Variants in CNTFR observed in about 807,000 individuals in gnomAD.
CNTFR encodes the protein ciliary neurotrophic factor receptor, also known as ciliary neurotrophic factor receptor subunit alpha.
Under a neutral mutation model 40.4 loss-of-function variants are expected in CNTFR, and 12 were observed. That is an observed-to-expected ratio of 0.30 (90% CI 0.19 to 0.48). The LOEUF (loss-of-function observed/expected upper bound fraction) is 0.48. CNTFR is among the 20% of genes least tolerant of loss of function. The pLI, the probability that CNTFR is intolerant of heterozygous loss-of-function variation, is 0.99. For synonymous variants in CNTFR, 202 were observed against 209.6 expected (o/e 0.96, Z 0.31); for missense variants, 414 against 506.8 (o/e 0.82, Z 1.76).
At chr9:34,585,387 G>A (rs12001648) in intron 1 of CNTFR, among the ~76,000 whole-genome samples, 15,021 of 152,192 alleles carry the variant, frequency 0.099, 1,109 homozygotes, top group African/African-American at 0.2. Flanking sequence ...TTGCTCCTAA[G>A]CCCAAGACGG....
At chr9:34,553,646 G>C (rs1825721720) in intron 7 of CNTFR, among the ~76,000 whole-genome samples, 1 of 152,164 alleles carries the variant, frequency 6.6e-6, no homozygotes, top group African/African-American at 2.4e-5. Flanking sequence ...TGGAGCTGCA[G>C]GGCGCAGGAC....
intron 4 of CNTFR, among the ~76,000 whole-genome samples, chr9:34,564,291 C>T (rs1285108603): frequency 6.6e-6 from 1 of 152,206 alleles, no homozygotes; most frequent in Admixed American, 6.5e-5. Context: ...TCTCTCCCCA[C>T]TCATGTCCCA....
At chr9:34,573,735 C>T (rs1826799788) in intron 2 of CNTFR, among the ~76,000 whole-genome samples, 1 of 152,194 alleles carries the variant, frequency 6.6e-6, no homozygotes, top group African/African-American at 2.4e-5. Flanking sequence ...TCATCTCCTT[C>T]ACCTCTCCCC....
chr9:34,556,436 C>T lies in CNTFR; in HGVS notation c.605-18G>A, dbSNP rs1427516290. On this transcript the variant is annotated intron_variant, in intron 6 of 9. Coordinates refer to ENST00000378980, the MANE Select transcript of CNTFR (RefSeq NM_147164.3). ...AGGCTTCACTGTTCAGGAGACATAGCTTCATTACTACACTAATCACTGGCA... is the reference window on the plus strand; with the variant it reads ...AGGCTTCACTGTTCAGGAGACATAGTTTCATTACTACACTAATCACTGGCA... 1 of 1,586,050 alleles carries T rather than the reference C, an allele frequency of 6.3e-7. No individual in the cohort carries two copies. The highest frequency in any genetic ancestry group is 1.2e-5 in the South Asian group (1 of 86,524).
Position 34,564,629 on chromosome 9 carries a change from G to T in CNTFR, c.289C>A (p.Leu97Met), listed in dbSNP as rs776532201. ...ACATGCAGCAGGACTTGGTGGCGCAGGTGCCAGGAGTCACGGTGGAAGCAG... is the reference window on the plus strand; with the variant it reads ...ACATGCAGCAGGACTTGGTGGCGCATGTGCCAGGAGTCACGGTGGAAGCAG... The part of the protein sequence containing the change: ...YACFHRDSWH[L>M]RHQVLLHVGL... Residue 97 changes from leucine to methionine, a missense_variant, in exon 4 of 10, where the codon CTG (leucine) becomes ATG (methionine). Around this residue, in one of 3 missense-constraint regions of CNTFR, gnomAD observed 250 missense variants for 269.5 expected, o/e 0.93. Transcript: ENST00000378980. 1.9e-6 allele frequency: 3 copies of T among 1,612,522 alleles called. No homozygotes were observed. In the African/African-American group the frequency reaches 4.0e-5, roughly 22 times the overall value.
At chr9:34,575,737 TC>T (rs1216759394) in intron 2 of CNTFR, among the ~76,000 whole-genome samples, 1 of 130,258 alleles carries the variant, frequency 7.7e-6, no homozygotes, top group Non-Finnish European at 1.5e-5. Flanking sequence ...ATGTGATGCA[TC>T]GGCTTATAAC....
intron 1 of CNTFR, among the ~76,000 whole-genome samples, chr9:34,586,410 T>G (rs1390999723): frequency 6.6e-6 from 1 of 152,148 alleles, no homozygotes; most frequent in Non-Finnish European, 1.5e-5. Flanking sequence ...TCCCCACAGA[T>G]CTGAGGCTGT....
At chr9:34,570,734 G>A (rs1316838325) in intron 2 of CNTFR, among the ~76,000 whole-genome samples, 1 of 152,112 alleles carries the variant, frequency 6.6e-6, no homozygotes, top group Non-Finnish European at 1.5e-5. Context: ...TGACAGAGAC[G>A]CAGTGCCAGA....
intron 2 of CNTFR, among the ~76,000 whole-genome samples, chr9:34,577,948 G>A (rs1827073421): frequency 6.6e-6 from 1 of 151,166 alleles, no homozygotes; most frequent in Admixed American, 6.6e-5. Context: ...TGGCGGGCGG[G>A]CGAGCGCGGG....
intron 3 of CNTFR, among the ~76,000 whole-genome samples, chr9:34,565,945 T>C (rs1422998006): frequency 2.0e-5 from 3 of 150,044 alleles, no homozygotes; most frequent in Admixed American, 1.3e-4. Flanking sequence ...AGGGCAGCAG[T>C]TGGGGTGGGG....
chr9:34,578,251 A>G (rs1274123520), intron 2 of CNTFR, among the ~76,000 whole-genome samples: 1 of 152,086 alleles, frequency 6.6e-6, no homozygotes, highest in Non-Finnish European at 1.5e-5. Context: ...GGAGGGGAGG[A>G]AGGAGCGCGC....
intron 3 of CNTFR, among the ~76,000 whole-genome samples, chr9:34,565,824 A>G (rs1826260814): frequency 6.6e-6 from 1 of 152,046 alleles, no homozygotes; most frequent in East Asian, 1.9e-4. Flanking sequence ...GGAGATGGGA[A>G]TCTCAGGACA....
rs913793164 is a variant in CNTFR, at chr9:34,557,479, C to A, written c.604+47G>T. 1.9e-6 allele frequency: 3 copies of A among 1,599,202 alleles called. No individual in the cohort carries two copies. The South Asian group carries it at 3.4e-5, about 18-fold the overall frequency. ...CCCACCAATGGCACACATCCACTTACATTCCCACTGGAGTAGGCAGCAGGT... is the reference window on the plus strand; with the variant it reads ...CCCACCAATGGCACACATCCACTTAAATTCCCACTGGAGTAGGCAGCAGGT... On this transcript the variant is annotated intron_variant, in intron 6 of 9. Coordinates refer to ENST00000378980, the MANE Select transcript of CNTFR (RefSeq NM_147164.3). This position sits in a 1 kb window ranked among gnomAD's most constrained non-coding sequence, Gnocchi z 4.2.
chr9:34,555,509 G>A (rs1825799271), intron 7 of CNTFR, among the ~76,000 whole-genome samples: 1 of 152,066 alleles, frequency 6.6e-6, no homozygotes, highest in African/African-American at 2.4e-5. Context: ...CCCGAAGTCT[G>A]CCCCAGACCT....
chr9:34,567,236 A>T (rs954100022), intron 3 of CNTFR, among the ~76,000 whole-genome samples: 2 of 152,156 alleles, frequency 1.3e-5, no homozygotes, highest in African/African-American at 4.8e-5. Context: ...ATCAGCTGTG[A>T]AAAGGTTGTT....
chr9:34,581,662 T>A (rs1827292250), intron 1 of CNTFR, among the ~76,000 whole-genome samples: 1 of 152,248 alleles, frequency 6.6e-6, no homozygotes, highest in Non-Finnish European at 1.5e-5. Flanking sequence ...TGGCACTTTA[T>A]ATGCATTATC....
At chr9:34,567,379 G>A (rs1349942002) in intron 3 of CNTFR, among the ~76,000 whole-genome samples, 1 of 152,048 alleles carries the variant, frequency 6.6e-6, no homozygotes, top group Non-Finnish European at 1.5e-5. Context: ...CAGTCCCCCC[G>A]GGCATCCCAA....
At chr9:34,556,149 G>A in intron 7 of CNTFR, 106 bp downstream of exon 7, 1 of 1,243,712 alleles carries the variant, frequency 8.0e-7, no homozygotes, top group Non-Finnish European at 1.1e-6. Context: ...AGAGCCTGAT[G>A]CATCAGGTCT....
intron 2 of CNTFR, among the ~76,000 whole-genome samples, chr9:34,572,156 TCTGCCCCTGCCC>T (rs532202248): frequency 6.6e-6 from 1 of 151,730 alleles, no homozygotes; most frequent in African/African-American, 2.4e-5. Flanking sequence ...AAACCCCATC[TCTGCCCCTGCCC>T]CTGCCCCTGC....
Sources: gnomAD v4.1 joint callset for allele counts (sites outside exome capture counted in the v4.1 genomes callset) on GRCh38, gnomAD v4.1.1 for gene constraint, gnomAD v4.1.1 regional missense constraint, Gnocchi (gnomAD v3.1) non-coding constraint, MANE v1.5 for transcripts, NCBI Gene and HGNC (gene_info 2026-07-23, HGNC 2026-07-21) for gene names.